The following KCND2 variants were observed in gnomAD, a reference collection of about 807,000 sequenced individuals.
KCND2 encodes A-type voltage-gated potassium channel KCND2.
In KCND2, 16 loss-of-function variants were observed where a neutral mutation model predicts 54.4. The observed-to-expected ratio is 0.29, with a 90% CI of 0.20 to 0.45. The LOEUF (loss-of-function observed/expected upper bound fraction) is 0.45, where lower values mean the gene tolerates loss of function less well. KCND2 is among the 20% of genes least tolerant of loss of function. The pLI, the probability that KCND2 is intolerant of heterozygous loss-of-function variation, is 1.00. For synonymous variants in KCND2, 317 were observed against 310.7 expected (o/e 1.02, Z -0.21); for missense variants, 486 against 824.2 (o/e 0.59, Z 5.02).
intron 1 of KCND2, among the ~76,000 whole-genome samples, chr7:120,467,658 C>T (rs79829050): frequency 0.021 from 3,147 of 152,080 alleles, 100 homozygotes; most frequent in African/African-American, 0.071. Context: ...AATTGGAGGT[C>T]GCTTTATTGC....
intron 1 of KCND2, among the ~76,000 whole-genome samples, chr7:120,493,388 T>A (rs1802810655): frequency 6.6e-6 from 1 of 152,016 alleles, no homozygotes; most frequent in Non-Finnish European, 1.5e-5. Context: ...TATAATTGAA[T>A]TATGATACTA....
chr7:120,533,722 C>T (rs1458317941), intron 1 of KCND2, among the ~76,000 whole-genome samples: 1 of 152,026 alleles, frequency 6.6e-6, no homozygotes, highest in Non-Finnish European at 1.5e-5. Flanking sequence ...ACATGATGCC[C>T]TCCGTCTTGA....
chr7:120,615,908 A>C (rs1793017817), intron 1 of KCND2, among the ~76,000 whole-genome samples: 1 of 152,214 alleles, frequency 6.6e-6, no homozygotes, highest in Non-Finnish European at 1.5e-5. Flanking sequence ...AGGGAGTTCC[A>C]TGGTCAACTT....
intron 1 of KCND2, among the ~76,000 whole-genome samples, chr7:120,479,768 A>G (rs2116277223): frequency 1.4e-5 from 2 of 139,648 alleles, no homozygotes; most frequent in East Asian, 2.0e-4. Flanking sequence ...ATCTCTAAAT[A>G]TATATATATA....
chr7:120,625,872 G>C (rs1373732046), intron 1 of KCND2, among the ~76,000 whole-genome samples: 1 of 151,812 alleles, frequency 6.6e-6, no homozygotes. Context: ...ATAAATCCTT[G>C]ATAAAAAATT....
chr7:120,725,841 C>T (rs1035576180), intron 1 of KCND2, among the ~76,000 whole-genome samples: 1 of 152,112 alleles, frequency 6.6e-6, no homozygotes, highest in Non-Finnish European at 1.5e-5. Flanking sequence ...AAACACTTTT[C>T]ATGAAAATGC....
At chr7:120,642,696 A>G (rs978234536) in intron 1 of KCND2, among the ~76,000 whole-genome samples, 1 of 152,100 alleles carries the variant, frequency 6.6e-6, no homozygotes, top group Non-Finnish European at 1.5e-5. Context: ...AGAATGTTTT[A>G]AAATAATAAT....
chr7:120,302,609 G>T (rs1210792793), intron 1 of KCND2, among the ~76,000 whole-genome samples: 1 of 151,976 alleles, frequency 6.6e-6, no homozygotes, highest in Non-Finnish European at 1.5e-5. Flanking sequence ...CTATTAAAAG[G>T]GTGTCTGAAC....
chr7:120,669,526 A>G (rs924761411), intron 1 of KCND2, among the ~76,000 whole-genome samples: 1 of 152,156 alleles, frequency 6.6e-6, no homozygotes, highest in Non-Finnish European at 1.5e-5. Context: ...CCCAGCTAAT[A>G]GGCTTCTCCA....
At chr7:120,606,459 G>A (rs1057238241) in intron 1 of KCND2, among the ~76,000 whole-genome samples, 3 of 151,948 alleles carry the variant, frequency 2.0e-5, no homozygotes, top group South Asian at 2.1e-4. Flanking sequence ...TGTTTAATAC[G>A]ATATCACAGA....
intron 1 of KCND2, among the ~76,000 whole-genome samples, chr7:120,336,564 T>C (rs1325079538): frequency 6.6e-6 from 1 of 152,166 alleles, no homozygotes; most frequent in African/African-American, 2.4e-5. Flanking sequence ...ATTTTATAAA[T>C]GGATAAATAA....
At chr7:120,711,993 CT>C (rs1253258270) in intron 1 of KCND2, among the ~76,000 whole-genome samples, 16 of 152,046 alleles carry the variant, frequency 1.1e-4, no homozygotes, top group Middle Eastern at 3.4e-3. Flanking sequence ...GAGTACTATG[CT>C]TCATTCAATA....
chr7:120,517,884 T>A (rs1803218923), intron 1 of KCND2, among the ~76,000 whole-genome samples: 1 of 152,150 alleles, frequency 6.6e-6, no homozygotes, highest in Admixed American at 6.6e-5. Context: ...AATACATCGT[T>A]TGAATTTTAC....
chr7:120,567,202 T>G (rs917985377), intron 1 of KCND2, among the ~76,000 whole-genome samples: 25 of 152,208 alleles, frequency 1.6e-4, no homozygotes, highest in Admixed American at 6.5e-5. Context: ...GCTGTGTTTT[T>G]GCATGGGAGT....
intron 1 of KCND2, among the ~76,000 whole-genome samples, chr7:120,342,832 T>C (rs1035104881): frequency 6.6e-6 from 1 of 152,166 alleles, no homozygotes; most frequent in Non-Finnish European, 1.5e-5. Flanking sequence ...TGAATGTTAT[T>C]AAGTAATTGT....
intron 1 of KCND2, among the ~76,000 whole-genome samples, chr7:120,315,956 G>T (rs1344552779): frequency 2.0e-5 from 3 of 152,068 alleles, no homozygotes; most frequent in African/African-American, 7.2e-5. Flanking sequence ...CAGATTTCTG[G>T]AGGGAGGAGG....
intron 1 of KCND2, among the ~76,000 whole-genome samples, chr7:120,395,095 T>C (rs1801134731): frequency 6.6e-6 from 1 of 152,052 alleles, no homozygotes; most frequent in South Asian, 2.1e-4. Context: ...TGAAGAAGTT[T>C]ATTCTGTGAA....
At chr7:120,710,360 A>T (rs756591473) in intron 1 of KCND2, among the ~76,000 whole-genome samples, 1 of 152,158 alleles carries the variant, frequency 6.6e-6, no homozygotes, top group Non-Finnish European at 1.5e-5. Context: ...TGCAGGGAGC[A>T]GGTAATTTAG....
intron 1 of KCND2, among the ~76,000 whole-genome samples, chr7:120,291,644 T>C (rs1799437101): frequency 6.6e-6 from 1 of 151,824 alleles, no homozygotes; most frequent in African/African-American, 2.4e-5. Context: ...TATAAGGGAT[T>C]AAGTTATGTG....
Sources: gnomAD v4.1 joint callset for allele counts (sites outside exome capture counted in the v4.1 genomes callset) on GRCh38, gnomAD v4.1.1 for gene constraint, MANE v1.5 for transcripts, NCBI Gene and HGNC (gene_info 2026-07-23, HGNC 2026-07-21) for gene names.